The following RBMS3 variants were observed in gnomAD, a reference collection of about 807,000 sequenced individuals.
RBMS3 encodes RNA binding motif single stranded interacting protein 3, also known as RNA-binding motif, single-stranded-interacting protein 3.
Under a neutral mutation model 66.8 loss-of-function variants are expected in RBMS3, and 27 were observed. The ratio of observed to expected loss-of-function variants is 0.40; its 90% CI spans 0.30 to 0.56. RBMS3 has a LOEUF of 0.56. RBMS3 is among the 20% of genes least tolerant of loss of function. The pLI, the probability that RBMS3 is intolerant of heterozygous loss-of-function variation, is 0.40. For synonymous variants in RBMS3, 188 were observed against 183.0 expected, an observed-to-expected ratio of 1.03 and a Z score of -0.22; for missense variants, 513 against 549.5, an observed-to-expected ratio of 0.93 and a Z score of 0.66.
At chr3:29,764,531 G>A (rs1199867456) in intron 6 of RBMS3, among the ~76,000 whole-genome samples, 1 of 151,870 alleles carries the variant, frequency 6.6e-6, no homozygotes, top group African/African-American at 2.4e-5. Context: ...TTCAAACTAG[G>A]TGTAAATTAT....
At chr3:29,482,613 G>A (rs2043164873) in intron 2 of RBMS3, among the ~76,000 whole-genome samples, 1 of 149,532 alleles carries the variant, frequency 6.7e-6, no homozygotes, top group Admixed American at 6.7e-5. Context: ...TACTTGAGTT[G>A]TAAGTTGTTA....
At chr3:29,804,920 CGTGTGTGT>C (rs10576635) in intron 6 of RBMS3, among the ~76,000 whole-genome samples, 83 of 146,434 alleles carry the variant, frequency 5.7e-4, no homozygotes, top group African/African-American at 7.8e-4. Context: ...TCTGCGTGTA[CGTGTGTGT>C]GTGTGTGTGT....
intron 12 of RBMS3, among the ~76,000 whole-genome samples, chr3:29,981,099 C>G (rs1023216153): frequency 2.0e-5 from 3 of 152,096 alleles, no homozygotes; most frequent in Admixed American, 2.0e-4. Flanking sequence ...TTTGTCCTCT[C>G]TTATTTCCTT....
At chr3:29,312,608 CCTT>C (rs1484727505) in intron 1 of RBMS3, among the ~76,000 whole-genome samples, 1 of 151,556 alleles carries the variant, frequency 6.6e-6, no homozygotes, top group Non-Finnish European at 1.5e-5. Context: ...CTTTTTCTCT[CCTT>C]GTCTTTGTGT....
At chr3:29,907,490 T>C (rs1406183957) in intron 10 of RBMS3, among the ~76,000 whole-genome samples, 3 of 152,110 alleles carry the variant, frequency 2.0e-5, no homozygotes, top group Non-Finnish European at 4.4e-5. Flanking sequence ...ACTATTGATA[T>C]TATTTTCCTT....
chr3:29,339,205 G>A (rs982953361), intron 1 of RBMS3, among the ~76,000 whole-genome samples: 2 of 152,192 alleles, frequency 1.3e-5, no homozygotes, highest in African/African-American at 2.4e-5. Context: ...CATTCTTCAA[G>A]CTCTAGGCCC....
chr3:29,304,322 T>C (rs540227898), intron 1 of RBMS3, among the ~76,000 whole-genome samples: 5 of 152,142 alleles, frequency 3.3e-5, no homozygotes, highest in Non-Finnish European at 7.4e-5. Flanking sequence ...ATGGTAATTA[T>C]ATTTATGCTA....
intron 4 of RBMS3, among the ~76,000 whole-genome samples, chr3:29,675,860 A>C (rs1220429365): frequency 1.3e-5 from 2 of 152,234 alleles, no homozygotes; most frequent in Non-Finnish European, 2.9e-5. Flanking sequence ...TGTGGAAGAC[A>C]GTGTGGTGAT....
intron 1 of RBMS3, 102 bp from the exon 2 acceptor site, chr3:29,434,641 A>G: frequency 6.8e-7 from 1 of 1,461,748 alleles, no homozygotes; most frequent in East Asian, 2.3e-5. Flanking sequence ...ACGTGTGTGT[A>G]TTGGAGAAGA....
chr3:29,959,018 G>A (rs1262936280), intron 12 of RBMS3, among the ~76,000 whole-genome samples: 3 of 152,086 alleles, frequency 2.0e-5, no homozygotes, highest in Admixed American at 6.6e-5. Context: ...GAAGATACAA[G>A]AATTCGACTG....
At chr3:29,777,607 A>G (rs2056472115) in intron 6 of RBMS3, among the ~76,000 whole-genome samples, 1 of 151,956 alleles carries the variant, frequency 6.6e-6, no homozygotes, top group Non-Finnish European at 1.5e-5. Context: ...GTTTAAAAGC[A>G]CAAGAACCCT....
At chr3:29,586,674 G>A (rs1379984510) in intron 3 of RBMS3, among the ~76,000 whole-genome samples, 1 of 152,080 alleles carries the variant, frequency 6.6e-6, no homozygotes, top group Admixed American at 6.6e-5. Context: ...TACTGCAGTT[G>A]CTGATAACCT....
intron 10 of RBMS3, among the ~76,000 whole-genome samples, chr3:29,931,153 C>T (rs1254903253): frequency 6.6e-6 from 1 of 152,020 alleles, no homozygotes; most frequent in African/African-American, 2.4e-5. Context: ...TGTCATTGAA[C>T]TGAAAAATGA....
At chr3:29,633,081 T>A (rs1309917763) in intron 4 of RBMS3, among the ~76,000 whole-genome samples, 1 of 151,912 alleles carries the variant, frequency 6.6e-6, no homozygotes, top group Non-Finnish European at 1.5e-5. Context: ...TACTGAAGTA[T>A]GATCCCTGCC....
At chr3:29,711,584 G>A (rs1009607377) in intron 4 of RBMS3, among the ~76,000 whole-genome samples, 24 of 152,092 alleles carry the variant, frequency 1.6e-4, no homozygotes, top group African/African-American at 5.6e-4. Flanking sequence ...TTAAACAGAT[G>A]CAGAAACTTC....
intron 7 of RBMS3, among the ~76,000 whole-genome samples, chr3:29,870,352 G>A (rs1380880218): frequency 1.3e-5 from 2 of 152,058 alleles, no homozygotes; most frequent in Non-Finnish European, 2.9e-5. Flanking sequence ...TTAAAATTTG[G>A]TTGGATAAAA....
chr3:29,857,110 A>G (rs184879919), intron 6 of RBMS3, among the ~76,000 whole-genome samples: 1 of 152,316 alleles, frequency 6.6e-6, no homozygotes, highest in East Asian at 1.9e-4. Context: ...ATTGTAACAT[A>G]GAGCTTTCAC....
intron 12 of RBMS3, among the ~76,000 whole-genome samples, chr3:29,953,614 G>C (rs1020301159): frequency 6.6e-6 from 1 of 151,874 alleles, no homozygotes; most frequent in Non-Finnish European, 1.5e-5. Context: ...TCATCACATA[G>C]TATGTATTCA....
At chr3:29,779,260 T>A (rs2056534544) in intron 6 of RBMS3, among the ~76,000 whole-genome samples, 1 of 151,688 alleles carries the variant, frequency 6.6e-6, no homozygotes, top group Non-Finnish European at 1.5e-5. Context: ...TGTAAAATGA[T>A]GTTCTTTTGT....
Sources: allele counts gnomAD v4.1 joint callset (sites outside exome capture counted in the v4.1 genomes callset), GRCh38; gene constraint gnomAD v4.1.1; transcripts MANE v1.5; gene names NCBI Gene and HGNC (gene_info 2026-07-23, HGNC 2026-07-21).